The following CPNE4 variants were observed in gnomAD, a reference collection of about 807,000 sequenced individuals.
CPNE4 encodes the protein copine 4, also known as copine-4.
Under a neutral mutation model 67.9 loss-of-function variants are expected in CPNE4, and 25 were observed. The observed-to-expected ratio is 0.37, with a 90% CI of 0.27 to 0.51. The LOEUF (loss-of-function observed/expected upper bound fraction) is 0.51. Ranked by LOEUF, CPNE4 falls within the 20% of genes least tolerant of loss-of-function variation. CPNE4 has a pLI of 0.93. For missense variants in CPNE4, 464 were observed against 690.8 expected (o/e 0.67, Z 3.68); for synonymous variants, 242 against 244.9 (o/e 0.99, Z 0.11).
At chr3:131,779,652 C>A (rs1447852231) in intron 2 of CPNE4, among the ~76,000 whole-genome samples, 4 of 151,976 alleles carry the variant, frequency 2.6e-5, no homozygotes, top group Admixed American at 2.6e-4. Flanking sequence ...TGAAACTGGA[C>A]CCTTACCTGT....
At chr3:131,553,640 A>G (rs1387942687) in intron 12 of CPNE4, among the ~76,000 whole-genome samples, 1 of 152,092 alleles carries the variant, frequency 6.6e-6, no homozygotes, top group Non-Finnish European at 1.5e-5. Context: ...GCTGACTTCC[A>G]CTTCCCAACC....
chr3:131,624,494 T>C (rs1046847276), intron 7 of CPNE4, among the ~76,000 whole-genome samples: 1 of 152,140 alleles, frequency 6.6e-6, no homozygotes, highest in Non-Finnish European at 1.5e-5. Context: ...TTTTTGTCCC[T>C]TCCTCAATTT....
chr3:132,011,368 T>C lies in CPNE4; in HGVS notation c.-2+23199A>G, dbSNP rs557740119. Among the ~76,000 whole-genome samples the C allele has an allele frequency of 3.9e-5, 6 of 152,318 alleles. No individual in the cohort carries two copies. The East Asian group carries it at 1.2e-3, about 29-fold the overall frequency. On this transcript the variant is annotated intron_variant, in intron 1 of 15. Coordinates refer to ENST00000429747, the MANE Select transcript of CPNE4 (RefSeq NM_130808.3). ...TCCTGAGCTCTTGCACAGGATTCCT[T>C]GTAAAAAAGCTTGGATTTCACACTC...
chr3:132,034,710 T>TCC lies in CPNE4; in HGVS notation c.-147_-146dup, dbSNP rs2074309397. 1 of 985,086 alleles carries TCC rather than the reference T, an allele frequency of 1.0e-6. No individual in the cohort carries two copies. Among genetic ancestry groups the TCC allele is most frequent in the Non-Finnish European group, 1.2e-6 (1 of 829,994 alleles). 61.0% of individuals were successfully genotyped at this position (985,086 alleles called of 1,614,324 possible). A position where few individuals can be genotyped will look rare whatever the true frequency, so the allele number is the denominator to read the frequency against. On this transcript the variant is annotated 5_prime_UTR_variant, in exon 1 of 16. Coordinates refer to ENST00000429747, the MANE Select transcript of CPNE4 (RefSeq NM_130808.3). ...TGATGTAAGGGGCGTCGCACCTCCT[T>TCC]CCCCTCTCGTCCTCCGAGGTCAGTT... is the stretch of plus-strand genomic sequence containing the variant.
At chr3:131,636,339 A>G (rs2079384751) in intron 7 of CPNE4, among the ~76,000 whole-genome samples, 2 of 152,150 alleles carry the variant, frequency 1.3e-5, no homozygotes, top group Non-Finnish European at 2.9e-5. Flanking sequence ...TGCAGGCTCC[A>G]TGGAAGCAGG....
In CPNE4 at chr3:131,951,908, C is replaced by T. The variant is rs374706891; in HGVS notation, c.-1-46464G>A. On this transcript the variant is annotated intron_variant, in intron 1 of 15. Coordinates refer to ENST00000429747, the MANE Select transcript of CPNE4 (RefSeq NM_130808.3). Reference sequence around the variant, plus strand: ...GGAGTGCAGTGGTGTGATCTCGGCTCGCTACAACCTCCACCTCCCAGCCAC... The same window carrying T: ...GGAGTGCAGTGGTGTGATCTCGGCTTGCTACAACCTCCACCTCCCAGCCAC... Among the ~76,000 whole-genome samples the T allele has an allele frequency of 2.6e-5, 4 of 152,150 alleles. No homozygotes were observed. In the South Asian group the frequency reaches 6.2e-4, roughly 24 times the overall value.
At position 131,978,944 on chromosome 3, in the gene CPNE4, T is replaced by C. The variant is rs138013214; in HGVS notation, c.-2+55623A>G. On this transcript the variant is annotated intron_variant, in intron 1 of 15. Coordinates refer to ENST00000429747, the MANE Select transcript of CPNE4 (RefSeq NM_130808.3). The stretch of plus-strand genomic sequence containing the variant: ...TTAGTTTTCATCTTAATTTTGTTTT[T>C]GATCCAATGCTCATTCAGGAGCAGG... Among the ~76,000 whole-genome samples, 383 of 152,246 alleles carry C rather than the reference T, an allele frequency of 2.5e-3. 4 individuals are homozygous for C. The highest frequency in any genetic ancestry group is 0.014 in the East Asian group (73 of 5,178).
At chr3:131,808,996 C>G (rs1342673551) in intron 2 of CPNE4, among the ~76,000 whole-genome samples, 1 of 152,170 alleles carries the variant, frequency 6.6e-6, no homozygotes, top group Non-Finnish European at 1.5e-5. Flanking sequence ...TACAGAACAT[C>G]TCTTTGGAGA....
At chr3:131,739,736 T>C (rs949712487) in intron 2 of CPNE4, among the ~76,000 whole-genome samples, 1 of 152,236 alleles carries the variant, frequency 6.6e-6, no homozygotes, top group African/African-American at 2.4e-5. Context: ...GCCACAAGCA[T>C]CACAAGGTAG....
intron 3 of CPNE4, among the ~76,000 whole-genome samples, chr3:131,719,040 G>A (rs115724629): frequency 1.4e-4 from 21 of 152,224 alleles, no homozygotes; most frequent in African/African-American, 4.6e-4. Flanking sequence ...GACAATATGA[G>A]AGGGTGGTTG....
chr3:131,618,783 G>A (rs764518190), intron 7 of CPNE4, among the ~76,000 whole-genome samples: 3 of 152,124 alleles, frequency 2.0e-5, no homozygotes, highest in African/African-American at 7.2e-5. Context: ...GGGAGAAGCA[G>A]AGGTCCCCAT....
intron 15 of CPNE4, among the ~76,000 whole-genome samples, chr3:131,540,620 G>T (rs11922444): frequency 0.038 from 5,826 of 152,292 alleles, 266 homozygotes; most frequent in African/African-American, 0.11. Flanking sequence ...ATAGGTGAGA[G>T]TCCAGTGTGA....
At chr3:131,806,624 T>C (rs2107928110) in intron 2 of CPNE4, among the ~76,000 whole-genome samples, 1 of 151,478 alleles carries the variant, frequency 6.6e-6, no homozygotes, top group East Asian at 1.9e-4. Flanking sequence ...CACAATAAAC[T>C]TGGTCAGCAG....
At chr3:131,953,923 C>T (rs1426060882) in intron 1 of CPNE4, among the ~76,000 whole-genome samples, 1 of 152,058 alleles carries the variant, frequency 6.6e-6, no homozygotes, top group Non-Finnish European at 1.5e-5. Context: ...GAAAGGAAAA[C>T]ATTTTTGAGG....
At chr3:132,010,968 C>G (rs900606550) in intron 1 of CPNE4, among the ~76,000 whole-genome samples, 3 of 152,182 alleles carry the variant, frequency 2.0e-5, no homozygotes, top group Non-Finnish European at 4.4e-5. Flanking sequence ...GCTTACCCAA[C>G]CTGCACAGAC....
intron 2 of CPNE4, among the ~76,000 whole-genome samples, chr3:131,768,273 C>A (rs13086510): frequency 7.9e-5 from 12 of 152,044 alleles, no homozygotes; most frequent in Admixed American, 3.9e-4. Context: ...ATTTCAATTT[C>A]TTTTGTTGCA....
chr3:131,973,906 G>C (rs183762536), intron 1 of CPNE4, among the ~76,000 whole-genome samples: 1 of 152,308 alleles, frequency 6.6e-6, no homozygotes, highest in East Asian at 1.9e-4. Flanking sequence ...CCTAAGAATA[G>C]AGCAGATTGT....
Position 132,024,576 on chromosome 3 carries a change from A to G in CPNE4, c.-2+9991T>C, listed in dbSNP as rs114669183. Among the ~76,000 whole-genome samples the G allele has an allele frequency of 5.8e-3, 886 of 152,260 alleles. 5 individuals are homozygous for G. The highest frequency in any genetic ancestry group is 9.2e-3 in the Non-Finnish European group (627 of 68,020). Reference sequence around the variant, plus strand: ...GCCTCTCTGGTCTTCCATTTTTTATATATCAGGCTAATCACCCTTATAATT... The same window carrying G: ...GCCTCTCTGGTCTTCCATTTTTTATGTATCAGGCTAATCACCCTTATAATT... On this transcript the variant is annotated intron_variant, in intron 1 of 15. Coordinates refer to ENST00000429747, the MANE Select transcript of CPNE4 (RefSeq NM_130808.3).
intron 14 of CPNE4, among the ~76,000 whole-genome samples, chr3:131,544,459 G>T (rs1217984843): frequency 6.6e-6 from 1 of 152,160 alleles, no homozygotes; most frequent in African/African-American, 2.4e-5. Flanking sequence ...TAATGTAAAG[G>T]CTAATTCTGT....
Sources: allele counts gnomAD v4.1 joint callset (sites outside exome capture counted in the v4.1 genomes callset), GRCh38; gene constraint gnomAD v4.1.1; transcripts MANE v1.5; gene names NCBI Gene and HGNC (gene_info 2026-07-23, HGNC 2026-07-21).